Variants in MOSMO observed in about 807,000 individuals in gnomAD.
The protein encoded by MOSMO is modulator of smoothened protein.
In MOSMO, 5 loss-of-function variants were observed where a neutral mutation model predicts 18.4. That is an observed-to-expected ratio of 0.27 (90% CI 0.14 to 0.57). The LOEUF is 0.57. Ranked by LOEUF, MOSMO falls within the 20% of genes least tolerant of loss-of-function variation. The probability of loss-of-function intolerance (pLI) is 0.92; values close to 1 mark genes in which losing one functional copy is unlikely to be tolerated. For synonymous variants in MOSMO, 82 were observed against 82.3 expected, an observed-to-expected ratio of 1.00 and a Z score of 0.02; for missense variants, 138 against 211.8, an observed-to-expected ratio of 0.65 and a Z score of 2.16.
chr16:22,040,651 GT>G (rs1240398582), intron 1 of MOSMO, among the ~76,000 whole-genome samples: 1 of 152,138 alleles, frequency 6.6e-6, no homozygotes, highest in Non-Finnish European at 1.5e-5. Flanking sequence ...AAGTCAGAAG[GT>G]TACATGTAAG....
chr16:22,016,330 G>C (rs1160727035), intron 1 of MOSMO, among the ~76,000 whole-genome samples: 5 of 152,182 alleles, frequency 3.3e-5, no homozygotes, highest in Non-Finnish European at 5.9e-5. Context: ...CTTAGTAAAT[G>C]CTCAAATGTT....
chr16:22,036,307 G>C (rs912083094), intron 1 of MOSMO, among the ~76,000 whole-genome samples: 1 of 151,854 alleles, frequency 6.6e-6, no homozygotes, highest in Non-Finnish European at 1.5e-5. Context: ...TTGTATTTTT[G>C]TGGAGACAGG....
intron 1 of MOSMO, among the ~76,000 whole-genome samples, chr16:22,046,838 G>A (rs767183225): frequency 2.6e-5 from 4 of 152,244 alleles, no homozygotes; most frequent in Admixed American, 6.5e-5. Flanking sequence ...CGTGGATTAC[G>A]TCCTCAGATG....
chr16:22,037,459 C>A (rs1221392544), intron 1 of MOSMO, among the ~76,000 whole-genome samples: 2 of 152,150 alleles, frequency 1.3e-5, no homozygotes, highest in Non-Finnish European at 2.9e-5. Context: ...ACTCACCAAG[C>A]AATTCTACGG....
chr16:22,058,498 A>T (rs1386149494), intron 1 of MOSMO, among the ~76,000 whole-genome samples: 1 of 152,112 alleles, frequency 6.6e-6, no homozygotes, highest in Non-Finnish European at 1.5e-5. Context: ...GGGATAAGAA[A>T]TGAGTGCTGA....
intron 1 of MOSMO, among the ~76,000 whole-genome samples, chr16:22,013,936 G>A (rs976863994): frequency 3.9e-5 from 6 of 151,914 alleles, no homozygotes; most frequent in African/African-American, 1.5e-4. Flanking sequence ...TTCTGAACTA[G>A]TTGAGGGGCA....
chr16:22,079,131 T>C (rs888548704), intron 2 of MOSMO, among the ~76,000 whole-genome samples: 3 of 152,220 alleles, frequency 2.0e-5, no homozygotes, highest in African/African-American at 7.2e-5. Flanking sequence ...GGGTTCCTAA[T>C]TGACTTTTTT....
At chr16:22,071,629 T>G (rs1397221566) in intron 1 of MOSMO, among the ~76,000 whole-genome samples, 1 of 152,210 alleles carries the variant, frequency 6.6e-6, no homozygotes, top group Non-Finnish European at 1.5e-5. Flanking sequence ...GACTTTCCTT[T>G]TGTGTGTTAT....
At chr16:22,055,400 C>T (rs116154563) in intron 1 of MOSMO, among the ~76,000 whole-genome samples, 7 of 152,282 alleles carry the variant, frequency 4.6e-5, no homozygotes, top group Non-Finnish European at 7.3e-5. Context: ...AATGACAGGA[C>T]GCTGAAATGA....
intron 1 of MOSMO, among the ~76,000 whole-genome samples, chr16:22,013,882 G>A (rs557074946): frequency 2.0e-5 from 3 of 146,634 alleles, no homozygotes; most frequent in African/African-American, 5.0e-5. Flanking sequence ...TTACTGTTTG[G>A]GGGGGGGGAA....
intron 1 of MOSMO, among the ~76,000 whole-genome samples, chr16:22,025,075 C>A (rs1229770989): frequency 1.3e-5 from 2 of 151,540 alleles, no homozygotes; most frequent in Non-Finnish European, 2.9e-5. Flanking sequence ...ATCGCTTGAG[C>A]CTAGGAGTTC....
chr16:22,045,023 A>T (rs1451673999), intron 1 of MOSMO, among the ~76,000 whole-genome samples: 1 of 146,804 alleles, frequency 6.8e-6, no homozygotes, highest in Non-Finnish European at 1.5e-5. Flanking sequence ...AAAAAATACA[A>T]AAAAAAAAAA....
chr16:22,047,465 T>C (rs899127644), intron 1 of MOSMO, among the ~76,000 whole-genome samples: 103 of 152,018 alleles, frequency 6.8e-4, no homozygotes, highest in Non-Finnish European at 1.0e-3. Context: ...AGGATGGTCT[T>C]GATCTCCTGA....
downstream of MOSMO, among the ~76,000 whole-genome samples, chr16:22,084,939 C>CAA (rs1336540297): frequency 4.6e-5 from 7 of 152,306 alleles, no homozygotes; most frequent in African/African-American, 1.7e-4. Context: ...GTCATGCTTC[C>CAA]ATGAGCTAGG....
chr16:22,080,835 A>G lies in MOSMO; in HGVS notation c.459A>G (p.Thr153=). The G allele has an allele frequency of 6.8e-7, 1 of 1,463,684 alleles. No homozygotes were observed. Among genetic ancestry groups the G allele is most frequent in the Non-Finnish European group, 9.0e-7 (1 of 1,113,914 alleles). The allele number at this position is 1,463,684 out of a possible 1,614,324, so 90.7% of individuals were successfully genotyped here. A position where few individuals can be genotyped will look rare whatever the true frequency, so the allele number is the denominator to read the frequency against. The change falls in exon 3 of 3, where the codon ACA becomes ACG. Residue 153 remains threonine, a synonymous_variant. Transcript: ENST00000542527. The stretch of plus-strand genomic sequence containing the variant: ...TTTTTGTCTTATCAATTTTCTTTAC[A>G]ATAGTAGGACTTCTATTTGCTGGCA... The part of the protein sequence containing the change: ...YVLFVLSIFF[T]IVGLLFAGKV...
intron 1 of MOSMO, among the ~76,000 whole-genome samples, chr16:22,065,005 TAGTG>T (rs1567512736): frequency 6.6e-6 from 1 of 152,218 alleles, no homozygotes; most frequent in Non-Finnish European, 1.5e-5. Flanking sequence ...CATAGTGCCA[TAGTG>T]AGGACAGATT....
chr16:22,047,366 T>C (rs548291901), intron 1 of MOSMO, among the ~76,000 whole-genome samples: 1 of 150,218 alleles, frequency 6.7e-6, no homozygotes, highest in Non-Finnish European at 1.5e-5. Flanking sequence ...TGTCTCAGCC[T>C]CCGGAGTAGC....
chr16:22,083,888 G>A lies in MOSMO; in HGVS notation c.*3008G>A, dbSNP rs1901126478. ...CCAAAGGTAATCCATGTTCTATGTTGTTAATGTGTGTATGTAATTTTTCTG... is the reference window on the plus strand; with the variant it reads ...CCAAAGGTAATCCATGTTCTATGTTATTAATGTGTGTATGTAATTTTTCTG... On this transcript the variant is annotated 3_prime_UTR_variant, in exon 3 of 3. Transcript: ENST00000542527. 9.3e-6 allele frequency: 3 copies of A among 324,220 alleles called. No homozygotes were observed. Among genetic ancestry groups the A allele is most frequent in the South Asian group, 5.1e-5 (2 of 39,350 alleles). 20.1% of individuals were successfully genotyped at this position (324,220 alleles called of 1,614,324 possible).
intron 1 of MOSMO, among the ~76,000 whole-genome samples, chr16:22,042,732 A>T (rs1439862946): frequency 6.6e-6 from 1 of 152,210 alleles, no homozygotes; most frequent in African/African-American, 2.4e-5. Context: ...GGGCAAAGGA[A>T]ACCAACCTGC....
Sources: gnomAD v4.1 joint callset for allele counts (sites outside exome capture counted in the v4.1 genomes callset) on GRCh38, gnomAD v4.1.1 for gene constraint, MANE v1.5 for transcripts, NCBI Gene and HGNC (gene_info 2026-07-23, HGNC 2026-07-21) for gene names.